ADAMTSL2: variants seen among roughly 807,000 people sequenced by gnomAD.
ADAMTSL2 encodes ADAMTS like 2.
A neutral mutation model predicts 117.0 loss-of-function variants in ADAMTSL2; 55 were observed. The ratio of observed to expected loss-of-function variants is 0.47; its 90% CI spans 0.38 to 0.59. The LOEUF (loss-of-function observed/expected upper bound fraction) is 0.59, where lower values mean the gene tolerates loss of function less well. Among genes scored for constraint, ADAMTSL2 ranks in the 20% least tolerant of loss-of-function variants. The pLI is 0.00. For synonymous variants in ADAMTSL2, 572 were observed against 566.4 expected, an observed-to-expected ratio of 1.01 and a Z score of -0.14; for missense variants, 1,182 against 1,354.5, an observed-to-expected ratio of 0.87 and a Z score of 2.00.
chr9:133,564,606 G>A, intron 12 of ADAMTSL2, among the ~76,000 whole-genome samples: 1 of 48,766 alleles, frequency 2.1e-5, no homozygotes, highest in Non-Finnish European at 4.6e-5. Flanking sequence ...GGGAGAGAGA[G>A]GGAGAGAGAG....
Position 133,570,929 on chromosome 9 carries a change from G to A in ADAMTSL2, c.2592+422G>A, listed in dbSNP as rs1831091020. Among the ~76,000 whole-genome samples, 3 of 152,190 alleles carry A rather than the reference G, an allele frequency of 2.0e-5. 1 individual carries two copies. The highest frequency in any genetic ancestry group is 4.1e-4 in the South Asian group (2 of 4,822). ...GCCAAGGCAGCCGCTTGGAATTTAG[G>A]GAGACAGTAATAGACATGCACCCCC... is the stretch of plus-strand genomic sequence containing the variant. On this transcript the variant is annotated intron_variant, in intron 17 of 18. Coordinates refer to ENST00000651351, the MANE Select transcript of ADAMTSL2 (RefSeq NM_014694.4).
intron 7 of ADAMTSL2, among the ~76,000 whole-genome samples, chr9:133,542,226 G>A (rs763681886): frequency 6.6e-6 from 1 of 152,244 alleles, no homozygotes; most frequent in Non-Finnish European, 1.5e-5. Context: ...GGGACCTAGG[G>A]ACGGGCGTGC....
At chr9:133,573,815 C>A in intron 17 of ADAMTSL2, 28 bp from the exon 18 acceptor site, 1 of 1,613,844 alleles carries the variant, frequency 6.2e-7, no homozygotes, top group Non-Finnish European at 8.5e-7. Context: ...GGAGGCTTTC[C>A]CCATGCCTTC....
chr9:133,538,952 T>C (rs1361719077), intron 4 of ADAMTSL2, among the ~76,000 whole-genome samples: 2 of 152,198 alleles, frequency 1.3e-5, no homozygotes, highest in East Asian at 1.9e-4. Context: ...AGTTGGAACC[T>C]GAACACCTTT....
In ADAMTSL2 at chr9:133,554,361, G is replaced by A; in HGVS notation, c.944G>A (p.Trp315Ter). 6.4e-7 allele frequency: 1 copy of A among 1,551,510 alleles called. No individual in the cohort carries two copies. Among genetic ancestry groups the A allele is most frequent in the Non-Finnish European group, 8.7e-7 (1 of 1,152,962 alleles). Residue 315 changes from tryptophan (W) to a stop codon, truncating the protein, a stop_gained, in exon 10 of 19, where the codon TGG becomes TAG. Coordinates refer to ENST00000651351, the MANE Select transcript of ADAMTSL2 (RefSeq NM_014694.4). LOFTEE classifies it high-confidence loss of function. This position sits in a 1 kb window ranked among gnomAD's most constrained non-coding sequence, Gnocchi z 5.2. ...PTNQGLNVMV[W>*]NQNGKSPSIT... Reference sequence around the variant, plus strand: ...GACCCACTTCTCTTTCCCTAGGTGTGGAACCAGAACGGCAAAAGCCCCTCC... The same window carrying A: ...GACCCACTTCTCTTTCCCTAGGTGTAGAACCAGAACGGCAAAAGCCCCTCC...
chr9:133,566,663 G>A (rs1421761940), intron 12 of ADAMTSL2, among the ~76,000 whole-genome samples: 1 of 151,912 alleles, frequency 6.6e-6, no homozygotes, highest in Non-Finnish European at 1.5e-5. Context: ...GGGGCCAGCT[G>A]GAGCAGACTC....
rs1199073706 is a variant in ADAMTSL2 at position 133,558,860 on chromosome 9, A to G, written c.1650-2338A>G. Among the ~76,000 whole-genome samples the G allele has an allele frequency of 2.0e-5, 3 of 152,254 alleles. No homozygotes were observed. Among genetic ancestry groups the G allele is most frequent in the Non-Finnish European group, 4.4e-5 (3 of 68,048 alleles). ...CTGCTAGGCGTTGCATTGTTGTGCA[A>G]ATATATGCAGGGTTATGTTCAAGAG... On this transcript the variant is annotated intron_variant, in intron 11 of 18. Transcript: ENST00000651351. The surrounding 1 kb of genome is among the most constrained non-coding windows in gnomAD (Gnocchi z 4.3).
chr9:133,538,277 G>A (rs865813320), intron 3 of ADAMTSL2, 72 bp from the exon 4 acceptor site: 36 of 1,580,600 alleles, frequency 2.3e-5, no homozygotes, highest in Middle Eastern at 1.7e-4. Context: ...CCCAGTGGCC[G>A]TGGGGCCAGC....
intron 6 of ADAMTSL2, 53 bp downstream of exon 6, chr9:133,540,796 G>A (rs1049198865): frequency 9.0e-5 from 146 of 1,613,280 alleles, no homozygotes; most frequent in Middle Eastern, 3.3e-4. Flanking sequence ...CTGACTGCCC[G>A]CCCGCCTGTG....
At chr9:133,546,875 C>T (rs1244207311) in intron 8 of ADAMTSL2, among the ~76,000 whole-genome samples, 163 bp from the exon 9 acceptor site, 3 of 152,176 alleles carry the variant, frequency 2.0e-5, no homozygotes, top group Non-Finnish European at 4.4e-5. Flanking sequence ...TGCCCCTCCT[C>T]CGCATTCACT....
chr9:133,569,307 C>T (rs1000182196), intron 15 of ADAMTSL2, 101 bp from the exon 16 acceptor site: 1 of 1,268,698 alleles, frequency 7.9e-7, no homozygotes, highest in African/African-American at 1.5e-5. Context: ...CGCTTCGACA[C>T]TGCCTGGGAG....
chr9:133,562,652 G>A (rs1192101762), intron 12 of ADAMTSL2, among the ~76,000 whole-genome samples: 9 of 138,720 alleles, frequency 6.5e-5, no homozygotes, highest in Non-Finnish European at 1.1e-4. Flanking sequence ...CGTGGGCGGC[G>A]TGGCGGGCAC....
chr9:133,574,134 G>A, intron 18 of ADAMTSL2, 147 bp downstream of exon 18: 1 of 1,121,312 alleles, frequency 8.9e-7, no homozygotes. Flanking sequence ...AGGGAGTGGG[G>A]GCTCCCTCCC....
Position 133,538,388 on chromosome 9 carries a change from G to C in ADAMTSL2, c.273G>C (p.Thr91=), listed in dbSNP as rs145190375. 1 of 1,613,266 alleles carries C rather than the reference G, an allele frequency of 6.2e-7. No homozygotes were observed. ...CGGGCCCCGGGAACAGGACCTGCAC[G>C]GGCACGTCCAAGCGGTACCAGCTCT... ...SVPGPGNRTC[T]GTSKRYQLCR... is the part of the protein sequence containing the mutation. The change falls in exon 4 of 19, where the codon ACG becomes ACC. Residue 91 remains threonine, a synonymous_variant. Transcript: ENST00000651351.
At position 133,574,783 on chromosome 9, in the gene ADAMTSL2, C is replaced by T; in HGVS notation, c.2775C>T (p.Ala925=). The T allele has an allele frequency of 1.2e-6, 2 of 1,613,786 alleles. No homozygotes were observed. The highest frequency in any genetic ancestry group is 1.7e-5 in the Admixed American group (1 of 60,020). Residue 925 remains alanine, a synonymous_variant, in exon 19 of 19, where the codon GCC becomes GCT. Transcript: ENST00000651351. ...AGGACCAGCCAGGCACCAACTGTGC[C>T]CTGGCCATCAAAGTGAACCTCTGCG... ...SCQDQPGTNC[A]LAIKVNLCGH...
At chr9:133,540,229 C>A (rs976316268) in intron 5 of ADAMTSL2, among the ~76,000 whole-genome samples, 1 of 152,224 alleles carries the variant, frequency 6.6e-6, no homozygotes, top group Non-Finnish European at 1.5e-5. Flanking sequence ...GCAAGTAGCT[C>A]AGGCAACAGT....
In ADAMTSL2 at chr9:133,558,683, C is replaced by G. The variant is rs1463294194; in HGVS notation, c.1650-2515C>G. On this transcript the variant is annotated intron_variant, in intron 11 of 18. Coordinates refer to ENST00000651351, the MANE Select transcript of ADAMTSL2 (RefSeq NM_014694.4). This position sits in a 1 kb window ranked among gnomAD's most constrained non-coding sequence, Gnocchi z 4.3. ...GGAGTGACAGGTGGTCTGGTGGTGA[C>G]TCCACAGCCGTCACCAGCCCCAGTC... Among the ~76,000 whole-genome samples the G allele has an allele frequency of 6.6e-6, 1 of 152,232 alleles. No homozygotes were observed. The highest frequency in any genetic ancestry group is 1.5e-5 in the Non-Finnish European group (1 of 68,042).
chr9:133,572,914 G>A (rs1011225456), intron 17 of ADAMTSL2, among the ~76,000 whole-genome samples: 3 of 152,210 alleles, frequency 2.0e-5, no homozygotes, highest in East Asian at 3.9e-4. Flanking sequence ...CCAGAGGCAC[G>A]TCCAGAGGCT....
intron 9 of ADAMTSL2, among the ~76,000 whole-genome samples, chr9:133,550,599 G>C (rs1371426977): frequency 6.6e-6 from 1 of 152,144 alleles, no homozygotes; most frequent in African/African-American, 2.4e-5. Flanking sequence ...TTCCAGGATG[G>C]AAGGGGTCTG....
Sources: gnomAD v4.1 joint callset for allele counts (sites outside exome capture counted in the v4.1 genomes callset) on GRCh38, gnomAD v4.1.1 for gene constraint, Gnocchi (gnomAD v3.1) non-coding constraint, MANE v1.5 for transcripts, NCBI Gene and HGNC (gene_info 2026-07-23, HGNC 2026-07-21) for gene names.